TJP1: variants seen among roughly 807,000 people sequenced by gnomAD.
TJP1 encodes the protein tight junction protein ZO-1.
A neutral mutation model predicts 194.2 loss-of-function variants in TJP1; 43 were observed. That is an observed-to-expected ratio of 0.22 (90% confidence interval 0.17 to 0.29). The LOEUF (loss-of-function observed/expected upper bound fraction) is 0.29, where lower values mean the gene tolerates loss of function less well. TJP1 is among the 10% of genes least tolerant of loss of function. The probability of loss-of-function intolerance (pLI) is 1.00; values close to 1 mark genes in which losing one functional copy is unlikely to be tolerated. For missense variants in TJP1, 1,971 were observed against 2,185.7 expected (o/e 0.90, Z 1.96); for synonymous variants, 801 against 779.0 (o/e 1.03, Z -0.47).
At chr15:29,766,827 A>C (rs1013724329) in intron 4 of TJP1, among the ~76,000 whole-genome samples, 2 of 152,198 alleles carry the variant, frequency 1.3e-5, no homozygotes, top group Non-Finnish European at 2.9e-5. Context: ...AATAATCACA[A>C]GCTTACAGGG....
Position 29,766,194 on chromosome 15 carries a change from C to A in TJP1, c.589+72G>T, listed in dbSNP as rs917897994. 5.2e-6 allele frequency: 8 copies of A among 1,538,872 alleles called. No homozygotes were observed. The African/African-American group carries it at 9.6e-5, about 19-fold the overall frequency. ...ACAAAGCAAAGACATGAAGAGACAG[C>A]AACTGTACTTCTCATTAAAATTAGT... On this transcript the variant is annotated intron_variant, in intron 5 of 27. Coordinates refer to ENST00000614355, the MANE Select transcript of TJP1 (RefSeq NM_001330239.4).
In TJP1 at chr15:29,849,921, G is replaced by A. The variant is rs185993313; in HGVS notation, c.307-49219C>T. ...AACAGAATAAGGCAGAAGTGATGGCGTGTCCTGCAGATTTGGTCATGCATG... is the reference window on the plus strand; with the variant it reads ...AACAGAATAAGGCAGAAGTGATGGCATGTCCTGCAGATTTGGTCATGCATG... On this transcript the variant is annotated intron_variant, in intron 2 of 28. Coordinates refer to the TJP1 transcript ENST00000356107. Among the ~76,000 whole-genome samples the A allele has an allele frequency of 1.1e-4, 16 of 152,210 alleles. No individual in the cohort carries two copies. The East Asian group carries it at 2.1e-3, about 20-fold the overall frequency.
At chr15:29,882,364 A>G (rs1374936482) in intron 2 of TJP1, among the ~76,000 whole-genome samples, 2 of 152,178 alleles carry the variant, frequency 1.3e-5, no homozygotes, top group Non-Finnish European at 2.9e-5. Context: ...TCATACCTTC[A>G]TCTCATTGCC....
rs1053898532 is a variant in TJP1, at chr15:29,843,000, AT to A, written c.307-42299del. On this transcript the variant is annotated intron_variant, in intron 2 of 28. Coordinates refer to the TJP1 transcript ENST00000356107. ...TAATCACTGATTTTTTTAAAAAGTCATTGCTATAAAGATTAAAACGAACTCC... is the reference window on the plus strand; with the variant it reads ...TAATCACTGATTTTTTTAAAAAGTCATGCTATAAAGATTAAAACGAACTCC... 1.6e-4 allele frequency among the ~76,000 whole-genome samples: 24 copies of A among 152,260 alleles called. 1 individual carries two copies. In the Middle Eastern group the frequency reaches 0.014, roughly 86 times the overall value.
upstream of TJP1, chr15:29,823,555 A>G (rs2050556332): frequency 6.6e-6 from 1 of 152,224 alleles, no homozygotes; most frequent in South Asian, 2.1e-4. Flanking sequence ...TCTCTTTAGA[A>G]TTCAACTGTA....
intron 2 of TJP1, among the ~76,000 whole-genome samples, chr15:29,776,584 C>T (rs953052372): frequency 6.6e-5 from 10 of 152,146 alleles, no homozygotes; most frequent in Non-Finnish European, 1.2e-4. Flanking sequence ...ATTCAACTGT[C>T]TGTACTGTTG....
chr15:29,782,205 T>C (rs1305857976), intron 2 of TJP1, among the ~76,000 whole-genome samples: 2 of 151,800 alleles, frequency 1.3e-5, no homozygotes, highest in African/African-American at 2.4e-5. Context: ...AGGAATGCAA[T>C]TCATATGGAA....
chr15:29,882,449 T>C (rs776484291), intron 2 of TJP1, among the ~76,000 whole-genome samples: 3 of 152,172 alleles, frequency 2.0e-5, no homozygotes, highest in Non-Finnish European at 4.4e-5. Flanking sequence ...AAAAATGATT[T>C]TGTGACTTTC....
At chr15:29,740,355 G>C (rs527298802) in intron 10 of TJP1, among the ~76,000 whole-genome samples, 118 of 152,254 alleles carry the variant, frequency 7.8e-4, no homozygotes, top group African/African-American at 2.8e-3. Context: ...GCTGGGTACA[G>C]TGGCTCACAT....
At position 29,863,373 on chromosome 15, in the gene TJP1, G is replaced by A. The variant is rs369633390; in HGVS notation, c.307-62671C>T. On this transcript the variant is annotated intron_variant, in intron 2 of 28. Transcript: ENST00000356107. ...GCAGGAGGTAGAGGCTGGAGGAAGG[G>A]TTTAGGTGATTCTTGCAAAAGGTCA... is the stretch of plus-strand genomic sequence containing the variant. 7.2e-5 allele frequency among the ~76,000 whole-genome samples: 11 copies of A among 152,244 alleles called. No individual in the cohort carries two copies. The East Asian group carries it at 9.7e-4, about 13-fold the overall frequency.
intron 8 of TJP1, among the ~76,000 whole-genome samples, chr15:29,745,005 T>C (rs1253121994): frequency 6.6e-6 from 1 of 152,164 alleles, no homozygotes; most frequent in Non-Finnish European, 1.5e-5. Context: ...AGGAATTTAC[T>C]GACACAATTC....
At chr15:29,884,918 A>G (rs1482220528) in intron 2 of TJP1, among the ~76,000 whole-genome samples, 2 of 152,190 alleles carry the variant, frequency 1.3e-5, no homozygotes, top group Non-Finnish European at 2.9e-5. Flanking sequence ...TGAGCTAGCA[A>G]CAGATATGGA....
At chr15:29,853,908 A>C (rs767378692) in intron 2 of TJP1, among the ~76,000 whole-genome samples, 1 of 152,170 alleles carries the variant, frequency 6.6e-6, no homozygotes, top group Non-Finnish European at 1.5e-5. Flanking sequence ...TTTTTCCGAG[A>C]GAACATATCC....
At chr15:29,957,570 T>C (rs1567235195) in intron 1 of TJP1, among the ~76,000 whole-genome samples, 1 of 152,236 alleles carries the variant, frequency 6.6e-6, no homozygotes, top group African/African-American at 2.4e-5. Context: ...GTTCTTCCCA[T>C]AATAATCCAT....
intron 8 of TJP1, among the ~76,000 whole-genome samples, chr15:29,756,630 T>C (rs1417382253): frequency 6.6e-6 from 1 of 152,210 alleles, no homozygotes; most frequent in Non-Finnish European, 1.5e-5. Flanking sequence ...TCTCTCCATA[T>C]GTTTGCTCTC....
intron 2 of TJP1, among the ~76,000 whole-genome samples, chr15:29,885,764 G>T (rs1567166137): frequency 6.6e-6 from 1 of 152,222 alleles, no homozygotes; most frequent in Admixed American, 6.5e-5. Flanking sequence ...AATCCTTTAA[G>T]TAGAGTAAAT....
intron 4 of TJP1, among the ~76,000 whole-genome samples, chr15:29,768,783 T>G (rs2046472682): frequency 6.6e-6 from 1 of 152,190 alleles, no homozygotes; most frequent in Admixed American, 6.5e-5. Context: ...TTAGTAGGTG[T>G]GACAACTATG....
intron 2 of TJP1, among the ~76,000 whole-genome samples, chr15:29,921,900 A>C (rs2054375626): frequency 6.7e-6 from 1 of 149,678 alleles, no homozygotes; most frequent in African/African-American, 2.5e-5. Flanking sequence ...GCTGGAGTAC[A>C]ATGGCGCGAT....
intron 2 of TJP1, among the ~76,000 whole-genome samples, chr15:29,841,924 C>T (rs2051240452): frequency 6.6e-6 from 1 of 152,094 alleles, no homozygotes; most frequent in African/African-American, 2.4e-5. Flanking sequence ...CTTTTTAAAG[C>T]CAGAACCCCA....
Sources: gnomAD v4.1 joint callset for allele counts (sites outside exome capture counted in the v4.1 genomes callset) on GRCh38, gnomAD v4.1.1 for gene constraint, MANE v1.5 for transcripts, NCBI Gene and HGNC (gene_info 2026-07-23, HGNC 2026-07-21) for gene names.